Variants in CPM observed in about 807,000 individuals in gnomAD.
CPM encodes renal carboxypeptidase.
Under a neutral mutation model 46.4 loss-of-function variants are expected in CPM, and 35 were observed. That is an observed-to-expected ratio of 0.75 (90% CI 0.58 to 1.00). CPM has a LOEUF of 1.00. Among genes scored for constraint, CPM ranks in the 50% least tolerant of loss-of-function variants. The probability of loss-of-function intolerance (pLI) is 0.00; values close to 1 mark genes in which losing one functional copy is unlikely to be tolerated. For synonymous variants in CPM, 195 were observed against 195.3 expected, an observed-to-expected ratio of 1.00 and a Z score of 0.01; for missense variants, 422 against 530.4, an observed-to-expected ratio of 0.80 and a Z score of 2.01.
At chr12:68,858,712 G>A (rs1411763053) in intron 8 of CPM, among the ~76,000 whole-genome samples, 3 of 146,116 alleles carry the variant, frequency 2.1e-5, no homozygotes, top group African/African-American at 7.8e-5. Context: ...TGCCATCAGG[G>A]AAAAAATATG....
intron 1 of CPM, among the ~76,000 whole-genome samples, chr12:68,955,027 G>C (rs555573311): frequency 5.3e-5 from 8 of 152,264 alleles, no homozygotes; most frequent in African/African-American, 1.9e-4. Flanking sequence ...GCAGTGGCTG[G>C]ACCCTGCGCT....
chr12:68,905,879 G>C (rs940568518), intron 2 of CPM, among the ~76,000 whole-genome samples: 5 of 152,280 alleles, frequency 3.3e-5, no homozygotes, highest in African/African-American at 1.2e-4. Context: ...TTAGAGTAAA[G>C]ACAGCTGGTC....
chr12:68,916,896 A>G (rs1042107225), intron 2 of CPM, among the ~76,000 whole-genome samples: 2 of 151,628 alleles, frequency 1.3e-5, no homozygotes, highest in African/African-American at 2.4e-5. Context: ...CTCAAAAAAA[A>G]AAAAAAAAAA....
chr12:68,906,846 T>G (rs1304375805), intron 2 of CPM, among the ~76,000 whole-genome samples: 1 of 152,234 alleles, frequency 6.6e-6, no homozygotes, highest in Non-Finnish European at 1.5e-5. Flanking sequence ...CCAGGCACTG[T>G]CCCCTGTGGT....
At chr12:68,867,394 A>G (rs764420496) in intron 6 of CPM, among the ~76,000 whole-genome samples, 19 of 152,218 alleles carry the variant, frequency 1.2e-4, no homozygotes, top group Non-Finnish European at 2.1e-4. Flanking sequence ...TACATTTTAC[A>G]TGGATATAAG....
chr12:68,944,635 A>G (rs1206113382), intron 1 of CPM, among the ~76,000 whole-genome samples: 4 of 152,098 alleles, frequency 2.6e-5, no homozygotes, highest in Non-Finnish European at 5.9e-5. Context: ...CTTGGCTTCA[A>G]GTCATCCGCC....
At chr12:68,916,858 A>G (rs1332763214) in intron 2 of CPM, among the ~76,000 whole-genome samples, 1 of 147,678 alleles carries the variant, frequency 6.8e-6, no homozygotes, top group Non-Finnish European at 1.5e-5. Context: ...ATTGCACTCC[A>G]GCCTGGGTGA....
intron 1 of CPM, among the ~76,000 whole-genome samples, chr12:68,942,862 A>G (rs2136331275): frequency 6.6e-6 from 1 of 152,338 alleles, no homozygotes; most frequent in Middle Eastern, 3.4e-3. Flanking sequence ...CAAAATTAAA[A>G]TGTAATCAGA....
intron 2 of CPM, among the ~76,000 whole-genome samples, chr12:68,891,641 A>G (rs7134186): frequency 0.88 from 133,860 of 152,200 alleles, 58,941 homozygotes; most frequent in Admixed American, 0.89. Context: ...CCTGGGAACT[A>G]GTTAGAACTG....
At chr12:68,940,989 C>T (rs546806665) in intron 1 of CPM, among the ~76,000 whole-genome samples, 1 of 152,264 alleles carries the variant, frequency 6.6e-6, no homozygotes, top group Admixed American at 6.5e-5. Flanking sequence ...CAACAACCCA[C>T]CTTTTCTCTC....
chr12:68,937,298 G>T (rs1888687940), upstream of CPM, among the ~76,000 whole-genome samples: 1 of 152,232 alleles, frequency 6.6e-6, no homozygotes. Context: ...CAGCAGATTG[G>T]TTAGATCAGT....
At chr12:68,880,105 T>A (rs75531588) in intron 3 of CPM, among the ~76,000 whole-genome samples, 3 of 149,278 alleles carry the variant, frequency 2.0e-5, no homozygotes, top group African/African-American at 4.9e-5. Context: ...CCCTTCCAAT[T>A]AAAAAAAAAA....
chr12:68,941,527 C>T (rs1053388046), intron 1 of CPM, among the ~76,000 whole-genome samples: 4 of 152,052 alleles, frequency 2.6e-5, no homozygotes, highest in Admixed American at 6.6e-5. Context: ...GTGTGTACCA[C>T]CACGCATGGC....
Position 68,851,796 on chromosome 12 carries a change from A to G in CPM, c.*4641T>C, listed in dbSNP as rs1884700009. 1 of 152,212 alleles carries G rather than the reference A, an allele frequency of 6.6e-6. No homozygotes were observed. The highest frequency in any genetic ancestry group is 1.5e-5 in the Non-Finnish European group (1 of 68,044). The allele number at this position is 152,212 out of a possible 1,614,324, so 9.4% of individuals were successfully genotyped here. ...TATAACAAACCCAAACTTCTACTTT[A>G]GCTACAGTACTGTGGACTTTCAATG... On this transcript the variant is annotated 3_prime_UTR_variant, in exon 9 of 9. Transcript: ENST00000551568.
At chr12:68,871,407 A>G (rs192254769) in intron 4 of CPM, among the ~76,000 whole-genome samples, 24 of 152,294 alleles carry the variant, frequency 1.6e-4, no homozygotes, top group African/African-American at 5.5e-4. Flanking sequence ...GATCTAGTGT[A>G]TGACAGGTCG....
chr12:68,913,856 C>A, intron 2 of CPM: 1 of 656,660 alleles, frequency 1.5e-6, no homozygotes, highest in South Asian at 1.4e-5. Context: ...CATGAGGATG[C>A]GGGGAATTAC....
At chr12:68,939,457 T>A (rs1344266414) in intron 1 of CPM, among the ~76,000 whole-genome samples, 2 of 151,540 alleles carry the variant, frequency 1.3e-5, no homozygotes, top group African/African-American at 4.8e-5. Flanking sequence ...GATATAAATC[T>A]GATTAATGTC....
chr12:68,856,520 T>C lies in CPM; in HGVS notation c.1249A>G (p.Arg417Gly). 6.2e-7 allele frequency: 1 copy of C among 1,614,228 alleles called. No homozygotes were observed. The highest frequency in any genetic ancestry group is 8.5e-7 in the Non-Finnish European group (1 of 1,180,026). Reference sequence around the variant, plus strand: ...GCAGCTGAGTGGTCTGGCAAATTTCTGTATAGAGGAATCATTGGGCATGAA... The same window carrying C: ...GCAGCTGAGTGGTCTGGCAAATTTCCGTATAGAGGAATCATTGGGCATGAA... ...NPSCPMIPLYRNLPDHSAATK... is the reference protein window; with the variant it reads ...NPSCPMIPLYGNLPDHSAATK... The change falls in exon 9 of 9, where the codon AGA (arginine) becomes GGA (glycine). Residue 417 changes from arginine to glycine, a missense_variant. Arg to Gly is a moderately radical substitution (Grantham distance 125). Transcript: ENST00000551568.
chr12:68,923,769 T>C (rs1888136903), intron 2 of CPM, among the ~76,000 whole-genome samples: 1 of 152,232 alleles, frequency 6.6e-6, no homozygotes, highest in African/African-American at 2.4e-5. Context: ...ACATATAGAT[T>C]ACAAATGCAG....
Sources: gnomAD v4.1 joint callset for allele counts (sites outside exome capture counted in the v4.1 genomes callset) on GRCh38, gnomAD v4.1.1 for gene constraint, MANE v1.5 for transcripts, NCBI Gene and HGNC (gene_info 2026-07-23, HGNC 2026-07-21) for gene names.